The following CLTC variants were observed in gnomAD, a reference collection of about 807,000 sequenced individuals.
CLTC encodes clathrin heavy chain, also known as clathrin heavy chain 1.
A neutral mutation model predicts 195.8 loss-of-function variants in CLTC; 16 were observed. That is an observed-to-expected ratio of 0.08 (90% CI 0.06 to 0.12). The LOEUF is 0.12. CLTC is among the 10% of genes least tolerant of loss of function. The pLI is 1.00. For missense variants in CLTC, 796 were observed against 2,027.0 expected (o/e 0.39, Z 11.66); for synonymous variants, 667 against 689.4 (o/e 0.97, Z 0.51).
At chr17:59,664,065 C>T (rs1259605184) in intron 9 of CLTC, 71 bp downstream of exon 9, 1 of 1,260,764 alleles carries the variant, frequency 7.9e-7, no homozygotes, top group African/African-American at 1.5e-5. Context: ...CCTGTATTAA[C>T]TCTTGATTAC....
In CLTC at chr17:59,694,065, A is replaced by AAATT. The variant is rs2033368933; in HGVS notation, c.*213_*214insAATT. On this transcript the variant is annotated 3_prime_UTR_variant, in exon 32 of 32. Transcript: ENST00000269122. Reference sequence around the variant, plus strand: ...TTTTAGAATTTATTTTCGAAGGGGAATAGTTTCAATGTTTTATTCACTTGG... The same window carrying AAATT: ...TTTTAGAATTTATTTTCGAAGGGGAAAATTTAGTTTCAATGTTTTATTCACTTGG... The AAATT allele has an allele frequency of 2.5e-6, 1 of 401,854 alleles. No individual in the cohort carries two copies. The highest frequency in any genetic ancestry group is 4.2e-6 in the Non-Finnish European group (1 of 237,130). 24.9% of individuals were successfully genotyped at this position (401,854 alleles called of 1,614,324 possible).
At chr17:59,650,233 A>G (rs1456018192) in intron 4 of CLTC, among the ~76,000 whole-genome samples, 1 of 152,196 alleles carries the variant, frequency 6.6e-6, no homozygotes, top group Non-Finnish European at 1.5e-5. Flanking sequence ...TTTTAAACCA[A>G]AATGTTCTCA....
At chr17:59,692,365 C>G (rs1050821391) in intron 31 of CLTC, among the ~76,000 whole-genome samples, 1 of 152,186 alleles carries the variant, frequency 6.6e-6, no homozygotes, top group African/African-American at 2.4e-5. Flanking sequence ...CTGAAGACAG[C>G]TTTGGTTGTT....
chr17:59,632,000 A>C (rs1322140165), intron 1 of CLTC, among the ~76,000 whole-genome samples: 1 of 151,802 alleles, frequency 6.6e-6, no homozygotes, highest in East Asian at 1.9e-4. Flanking sequence ...TTAGTTTAGA[A>C]GTAAATCCCA....
At position 59,655,977 on chromosome 17, in the gene CLTC, G is replaced by A. The variant is rs2032455809; in HGVS notation, c.919G>A (p.Ala307Thr). The change falls in exon 6 of 32, where the codon GCA becomes ACA. Residue 307 changes from alanine (A) to threonine (T), a missense_variant. This residue lies in a region of CLTC where 293 missense variants were observed against 795.6 expected (regional missense o/e 0.37). Transcript: ENST00000269122. The part of the protein sequence containing the change: ...RISGETIFVT[A>T]PHEATAGIIG... ...CAGTGGAGAAACAATTTTTGTTACT[G>A]CACCTCATGAAGCCACAGCTGGAAT... The A allele has an allele frequency of 2.5e-6, 4 of 1,612,618 alleles. No individual in the cohort carries two copies. In the East Asian group the frequency reaches 8.9e-5, roughly 36 times the overall value.
chr17:59,633,904 A>AATAAGT (rs1196714886), intron 1 of CLTC, among the ~76,000 whole-genome samples: 1 of 152,156 alleles, frequency 6.6e-6, no homozygotes, highest in Non-Finnish European at 1.5e-5. Flanking sequence ...CTAAGTCAGC[A>AATAAGT]ATAAGTATTA....
chr17:59,632,135 G>GACCA, intron 1 of CLTC, among the ~76,000 whole-genome samples: 1 of 152,190 alleles, frequency 6.6e-6, no homozygotes, highest in African/African-American at 2.4e-5. Flanking sequence ...TTGGGAGGGT[G>GACCA]AGGCGGGCGG....
rs2032683482 is a variant in CLTC, at chr17:59,664,565, A to G, written c.1522-222A>G. Reference sequence around the variant, plus strand: ...GACCCTGTCTCAAAAAAAAAAAAAAAAAGAAAAGAAAAGAAAAGAAAATGG... The same window carrying G: ...GACCCTGTCTCAAAAAAAAAAAAAAGAAGAAAAGAAAAGAAAAGAAAATGG... On this transcript the variant is annotated intron_variant, in intron 9 of 31. Transcript: ENST00000269122. 3 of 282,930 alleles carry G rather than the reference A, an allele frequency of 1.1e-5. No homozygotes were observed. The South Asian group carries it at 2.8e-4, about 26-fold the overall frequency. 17.5% of individuals were successfully genotyped at this position (282,930 alleles called of 1,614,324 possible).
chr17:59,626,582 T>C (rs1244289289), intron 1 of CLTC, among the ~76,000 whole-genome samples: 1 of 152,260 alleles, frequency 6.6e-6, no homozygotes, highest in Non-Finnish European at 1.5e-5. Context: ...CTCACTTAGA[T>C]GAGCAGTAGG....
chr17:59,631,722 T>C (rs935374950), intron 1 of CLTC, among the ~76,000 whole-genome samples: 1 of 151,468 alleles, frequency 6.6e-6, no homozygotes, highest in African/African-American at 2.4e-5. Context: ...TGTAACCCCA[T>C]CACTTTGGGA....
rs1167102046 is a variant in CLTC at position 59,685,251 on chromosome 17, C to G, written c.4605+25C>G. On this transcript the variant is annotated intron_variant, in intron 29 of 31. Coordinates refer to ENST00000269122, the MANE Select transcript of CLTC (RefSeq NM_004859.4). The surrounding 1 kb of genome is among the most constrained non-coding windows in gnomAD (Gnocchi z 5.0). ...GGTTGATAAAGTTGCGGGGCAGGGG[C>G]TGTTTTAAACCAGGCCTAAAATGGT... 6.4e-7 allele frequency: 1 copy of G among 1,556,990 alleles called. No individual in the cohort carries two copies. Among genetic ancestry groups the G allele is most frequent in the African/African-American group, 1.4e-5 (1 of 72,998 alleles).
rs2032747501 is a variant in CLTC at position 59,667,037 on chromosome 17, C to T, written c.2128+60C>T. 19 of 1,378,506 alleles carry T rather than the reference C, an allele frequency of 1.4e-5. No homozygotes were observed. In the South Asian group the frequency reaches 2.2e-4, roughly 16 times the overall value. 85.4% of individuals were successfully genotyped at this position (1,378,506 alleles called of 1,614,324 possible). On this transcript the variant is annotated intron_variant, in intron 13 of 31. Coordinates refer to ENST00000269122, the MANE Select transcript of CLTC (RefSeq NM_004859.4). ...CTTAAGGTAGCCAAGAAGAGGTATG[C>T]TTATGATCAGGCTGTTGGAAATTTT...
intron 30 of CLTC, chr17:59,686,993 C>T: frequency 1.0e-6 from 1 of 988,716 alleles, no homozygotes; most frequent in Non-Finnish European, 1.2e-6. Context: ...TTCTGAATTC[C>T]TTTGCAGGTT....
chr17:59,629,589 T>G (rs2031652008), intron 1 of CLTC, among the ~76,000 whole-genome samples: 1 of 150,096 alleles, frequency 6.7e-6, no homozygotes, highest in African/African-American at 2.4e-5. Flanking sequence ...GGCATGATCT[T>G]GGCTCACTGC....
At chr17:59,655,767 C>A in intron 5 of CLTC, 87 bp from the exon 6 acceptor site, 1 of 1,063,642 alleles carries the variant, frequency 9.4e-7, no homozygotes, top group Non-Finnish European at 1.3e-6. Flanking sequence ...GGAATTTTAC[C>A]ATCTCTAAAA....
chr17:59,653,171 G>GTTTA (rs939636869), intron 5 of CLTC, among the ~76,000 whole-genome samples: 14 of 150,984 alleles, frequency 9.3e-5, no homozygotes, highest in South Asian at 4.2e-4. Context: ...TTATTTATTT[G>GTTTA]TTTATTTATT....
intron 17 of CLTC, 21 bp downstream of exon 17, chr17:59,677,209 A>AT (rs1284234724): frequency 1.3e-6 from 2 of 1,565,444 alleles, no homozygotes; most frequent in Non-Finnish European, 1.8e-6. Context: ...CTAGCTGAAT[A>AT]TGTAGAGAAG....
In CLTC at chr17:59,683,349, A is replaced by G; in HGVS notation, c.4042-38A>G. ...CTTATTCTTTTTAAGGCTGTTAGCTAGACTCATATCTAAAGCAATTAAGTC... is the reference window on the plus strand; with the variant it reads ...CTTATTCTTTTTAAGGCTGTTAGCTGGACTCATATCTAAAGCAATTAAGTC... On this transcript the variant is annotated intron_variant, in intron 25 of 31. Transcript: ENST00000269122. This position sits in a 1 kb window ranked among gnomAD's most constrained non-coding sequence, Gnocchi z 6.1. The G allele has an allele frequency of 6.2e-7, 1 of 1,603,816 alleles. No individual in the cohort carries two copies. The highest frequency in any genetic ancestry group is 8.5e-7 in the Non-Finnish European group (1 of 1,174,860).
At chr17:59,624,765 G>A (rs958308718) in intron 1 of CLTC, among the ~76,000 whole-genome samples, 2 of 150,992 alleles carry the variant, frequency 1.3e-5, no homozygotes, top group Non-Finnish European at 3.0e-5. Flanking sequence ...TGCTGCTCCT[G>A]GCCTCATATA....
Sources: allele counts gnomAD v4.1 joint callset (sites outside exome capture counted in the v4.1 genomes callset), GRCh38; gene constraint gnomAD v4.1.1; regional missense constraint gnomAD v4.1.1; non-coding constraint Gnocchi (gnomAD v3.1); transcripts MANE v1.5; gene names NCBI Gene and HGNC (gene_info 2026-07-23, HGNC 2026-07-21).